The following DIPK1A variants were observed in gnomAD, a reference collection of about 807,000 sequenced individuals.
DIPK1A encodes divergent protein kinase domain 1A, also known as family with sequence similarity 69 member A.
DIPK1A carries 27 observed loss-of-function variants against 40.8 expected under a neutral mutation model. The observed-to-expected ratio is 0.66, with a 90% CI of 0.49 to 0.91. The LOEUF is 0.91. DIPK1A is among the 40% of genes least tolerant of loss of function. The probability of loss-of-function intolerance (pLI) is 0.00; values close to 1 mark genes in which losing one functional copy is unlikely to be tolerated. For synonymous variants in DIPK1A, 166 were observed against 171.3 expected, an observed-to-expected ratio of 0.97 and a Z score of 0.24; for missense variants, 412 against 505.7, an observed-to-expected ratio of 0.81 and a Z score of 1.78.
At chr1:92,915,896 AT>A (rs1162027892) in intron 1 of DIPK1A, among the ~76,000 whole-genome samples, 2 of 152,244 alleles carry the variant, frequency 1.3e-5, no homozygotes, top group Non-Finnish European at 2.9e-5. Flanking sequence ...GATAAAAAAA[AT>A]AAGGTATACC....
At chr1:92,930,496 G>A (rs1188935648) in intron 1 of DIPK1A, among the ~76,000 whole-genome samples, 1 of 152,120 alleles carries the variant, frequency 6.6e-6, no homozygotes, top group Non-Finnish European at 1.5e-5. Context: ...ACAAAAAGAG[G>A]AATCTTCTCA....
rs150345649 is a variant in DIPK1A at position 92,903,501 on chromosome 1, A to T, written c.55-27071T>A. 5.6e-3 allele frequency among the ~76,000 whole-genome samples: 857 copies of T among 152,360 alleles called. 10 individuals carry two copies. The highest frequency in any genetic ancestry group is 0.031 in the South Asian group (151 of 4,828). On this transcript the variant is annotated intron_variant, in intron 1 of 4. Transcript: ENST00000370310. ...AAAATATGCTCTCTTAATATTAAGTACTAACTCTGGTAAAAGTCCAGTTAT... is the reference window on the plus strand; with the variant it reads ...AAAATATGCTCTCTTAATATTAAGTTCTAACTCTGGTAAAAGTCCAGTTAT...
intron 4 of DIPK1A, among the ~76,000 whole-genome samples, chr1:92,844,787 T>G (rs1338736642): frequency 2.0e-5 from 3 of 152,062 alleles, no homozygotes; most frequent in African/African-American, 7.2e-5. Flanking sequence ...AATAGTAGTA[T>G]TACAATAATG....
chr1:92,950,912 G>C (rs1651610337), intron 1 of DIPK1A, among the ~76,000 whole-genome samples: 1 of 152,042 alleles, frequency 6.6e-6, no homozygotes, highest in Admixed American at 6.6e-5. Context: ...ATACTAATAG[G>C]AAAGAAACAA....
In DIPK1A at chr1:92,866,431, C is replaced by T. The variant is rs562327460; in HGVS notation, c.189+9865G>A. On this transcript the variant is annotated intron_variant, in intron 2 of 4. Coordinates refer to ENST00000370310, the MANE Select transcript of DIPK1A (RefSeq NM_001006605.5). ...AGGCCCTGTAGAAGTTCTGCCTCCT[C>T]TATGAAGCCTTTCCCCACTATTCTA... is the stretch of plus-strand genomic sequence containing the variant. Among the ~76,000 whole-genome samples, 78 of 152,258 alleles carry T rather than the reference C, an allele frequency of 5.1e-4. 1 individual carries two copies. The South Asian group carries it at 0.016, about 32-fold the overall frequency.
intron 1 of DIPK1A, among the ~76,000 whole-genome samples, chr1:92,942,529 CTTTTTT>C (rs1651194594): frequency 6.6e-6 from 1 of 151,384 alleles, no homozygotes; most frequent in Non-Finnish European, 1.5e-5. Flanking sequence ...TTTTCTTTTT[CTTTTTT>C]ATCAAAATGA....
downstream of DIPK1A, among the ~76,000 whole-genome samples, chr1:92,841,463 ACT>A (rs199534167): frequency 1.1e-3 from 169 of 152,162 alleles, 2 homozygotes; most frequent in East Asian, 0.028. Flanking sequence ...TGGGAGTGCC[ACT>A]CTCTTGGACA....
intron 1 of DIPK1A, among the ~76,000 whole-genome samples, chr1:92,889,292 C>T (rs761192091): frequency 3.4e-4 from 52 of 152,216 alleles, no homozygotes; most frequent in Non-Finnish European, 5.9e-4. Flanking sequence ...TTCCTGGCAC[C>T]TTCATCAAAT....
At chr1:92,837,537 T>C (rs1687176820), downstream of DIPK1A, 1 of 1,612,096 alleles carries the variant, frequency 6.2e-7, no homozygotes, top group African/African-American at 1.3e-5. Context: ...TGGGCCAGAA[T>C]GTTGCAGATT....
At chr1:92,884,676 T>C (rs1648519149) in intron 1 of DIPK1A, among the ~76,000 whole-genome samples, 1 of 152,164 alleles carries the variant, frequency 6.6e-6, no homozygotes, top group Non-Finnish European at 1.5e-5. Flanking sequence ...AAATCTTTGA[T>C]GGGAATCCTA....
chr1:92,837,307 A>C, downstream of DIPK1A: 1 of 789,314 alleles, frequency 1.3e-6, no homozygotes, highest in Non-Finnish European at 2.3e-6. Flanking sequence ...ATGATATCCC[A>C]CTAACTGAGC....
At chr1:92,909,359 C>A (rs1199024018) in intron 1 of DIPK1A, among the ~76,000 whole-genome samples, 1 of 152,118 alleles carries the variant, frequency 6.6e-6, no homozygotes, top group Non-Finnish European at 1.5e-5. Flanking sequence ...AAAAGCTGTA[C>A]ATCAAAATGA....
At chr1:92,848,379 A>C (rs1170620113) in intron 3 of DIPK1A, among the ~76,000 whole-genome samples, 1 of 152,172 alleles carries the variant, frequency 6.6e-6, no homozygotes. Flanking sequence ...CTGATCTTGT[A>C]CCACGTACTC....
rs145058455 is a variant in DIPK1A, at chr1:92,836,179, T to G, written c.475-3145A>C. The stretch of plus-strand genomic sequence containing the variant: ...AATTGAAACCAGCATTTACATTGGT[T>G]TCTTGAATAGCTTCTCAATAGGTTT... On this transcript the variant is annotated intron_variant, in intron 4 of 4. Transcript: ENST00000615519. 3,805 of 1,611,072 alleles carry G rather than the reference T, an allele frequency of 2.4e-3. 8 individuals carry two copies. Among genetic ancestry groups the G allele is most frequent in the Non-Finnish European group, 3.0e-3 (3,526 of 1,178,880 alleles).
chr1:92,959,616 T>G (rs1423694689), intron 1 of DIPK1A, among the ~76,000 whole-genome samples: 1 of 151,524 alleles, frequency 6.6e-6, no homozygotes, highest in Non-Finnish European at 1.5e-5. Context: ...CACGCCCGGC[T>G]AATATTTTGT....
At chr1:92,902,060 G>C (rs1432520121) in intron 1 of DIPK1A, among the ~76,000 whole-genome samples, 1 of 152,138 alleles carries the variant, frequency 6.6e-6, no homozygotes, top group Non-Finnish European at 1.5e-5. Context: ...AGGGCAGTGT[G>C]TGAATGTTCT....
intron 1 of DIPK1A, among the ~76,000 whole-genome samples, chr1:92,960,455 G>T (rs183118580): frequency 6.6e-6 from 1 of 152,232 alleles, no homozygotes; most frequent in East Asian, 1.9e-4. Context: ...GCTGACCCAC[G>T]CAAGGCATTG....
rs1687125364 is a variant in DIPK1A, at chr1:92,836,339, A to C, written c.475-3305T>G. On this transcript the variant is annotated intron_variant, in intron 4 of 4. Transcript: ENST00000615519. ...TTGCCAGAACTACCACTGGCAATAA[A>C]GTTTTTGGTGCCCTGAAGGGAGCTG... 1 of 1,614,184 alleles carries C rather than the reference A, an allele frequency of 6.2e-7. No homozygotes were observed. Among genetic ancestry groups the C allele is most frequent in the Non-Finnish European group, 8.5e-7 (1 of 1,180,040 alleles).
chr1:92,837,646 C>G, downstream of DIPK1A: 1 of 1,604,636 alleles, frequency 6.2e-7, no homozygotes, highest in South Asian at 1.1e-5. Flanking sequence ...AAAACATTTA[C>G]CTAAAAATGC....
Sources: allele counts gnomAD v4.1 joint callset (sites outside exome capture counted in the v4.1 genomes callset), GRCh38; gene constraint gnomAD v4.1.1; transcripts MANE v1.5; gene names NCBI Gene and HGNC (gene_info 2026-07-23, HGNC 2026-07-21).